The following RUFY2 variants were observed in gnomAD, a reference collection of about 807,000 sequenced individuals.
RUFY2 encodes RUN and FYVE domain containing 2.
In RUFY2, 49 loss-of-function variants were observed where a neutral mutation model predicts 94.4. The observed-to-expected ratio is 0.52, with a 90% CI of 0.41 to 0.66. The LOEUF is 0.66. Ranked by LOEUF, RUFY2 falls within the 30% of genes least tolerant of loss-of-function variation. RUFY2 has a pLI of 0.00. For synonymous variants in RUFY2, 255 were observed against 235.7 expected (o/e 1.08, Z -0.75); for missense variants, 541 against 692.8 (o/e 0.78, Z 2.46).
At chr10:68,349,726 G>C (rs1321456340) in intron 16 of RUFY2, among the ~76,000 whole-genome samples, 1 of 151,942 alleles carries the variant, frequency 6.6e-6, no homozygotes, top group East Asian at 1.9e-4. Context: ...TTTTAGTAGA[G>C]ACGGGGTTTC....
intron 13 of RUFY2, among the ~76,000 whole-genome samples, chr10:68,365,555 G>A (rs2047748015): frequency 6.6e-6 from 1 of 152,218 alleles, no homozygotes; most frequent in Admixed American, 6.5e-5. Context: ...GGCCACCAGA[G>A]AGCCTGAACT....
At chr10:68,351,292 C>T (rs568179518) in intron 16 of RUFY2, among the ~76,000 whole-genome samples, 5 of 151,692 alleles carry the variant, frequency 3.3e-5, no homozygotes, top group South Asian at 4.2e-4. Context: ...CCACCACGCC[C>T]GGCTAATTTT....
chr10:68,389,375 G>A (rs570833685), intron 7 of RUFY2, among the ~76,000 whole-genome samples: 8 of 150,318 alleles, frequency 5.3e-5, no homozygotes, highest in Non-Finnish European at 5.9e-5. Context: ...GGTGGATCAC[G>A]AAGTCAGGAG....
intron 15 of RUFY2, among the ~76,000 whole-genome samples, chr10:68,361,286 A>G (rs2132461031): frequency 6.6e-6 from 1 of 151,876 alleles, no homozygotes; most frequent in South Asian, 2.1e-4. Context: ...TCTCAAAGAG[A>G]AAAAAAAAGT....
chr10:68,378,545 T>C (rs1288101229), intron 12 of RUFY2: 1 of 1,563,594 alleles, frequency 6.4e-7, no homozygotes, highest in South Asian at 1.2e-5. Context: ...TTTAGTCTGT[T>C]TAAATACAAG....
In RUFY2 at chr10:68,378,091, C is replaced by T. The variant is rs1251851639; in HGVS notation, c.1206-1119G>A. 9.1e-6 allele frequency: 9 copies of T among 985,206 alleles called. No individual in the cohort carries two copies. The highest frequency in any genetic ancestry group is 1.1e-4 in the East Asian group (1 of 8,820). The allele number at this position is 985,206 out of a possible 1,614,324, so 61.0% of individuals were successfully genotyped here. A position where few individuals can be genotyped will look rare whatever the true frequency, so the allele number is the denominator to read the frequency against. The stretch of plus-strand genomic sequence containing the variant: ...ATCACAGAAGAGGGCAAGGGAGAAC[C>T]GGAAAACTGAGAAGCTGAAGCACAG... On this transcript the variant is annotated intron_variant, in intron 12 of 17. Coordinates refer to ENST00000602465, the MANE Select transcript of RUFY2 (RefSeq NM_001330103.2).
chr10:68,378,640 T>A (rs752773984), intron 12 of RUFY2: 14 of 1,612,868 alleles, frequency 8.7e-6, no homozygotes, highest in Admixed American at 3.3e-5. Flanking sequence ...ACATTGCAAT[T>A]GTCCTAGTTT....
chr10:68,352,148 A>C (rs1426022205), intron 16 of RUFY2, among the ~76,000 whole-genome samples: 1 of 152,094 alleles, frequency 6.6e-6, no homozygotes, highest in Admixed American at 6.6e-5. Context: ...TTTGGTAGAG[A>C]CAAGGGCTTG....
At chr10:68,361,052 C>G (rs1282210207) in intron 15 of RUFY2, among the ~76,000 whole-genome samples, 1 of 152,080 alleles carries the variant, frequency 6.6e-6, no homozygotes, top group Non-Finnish European at 1.5e-5. Flanking sequence ...GAGGCCAAGG[C>G]AGGCAGATCA....
intron 7 of RUFY2, 81 bp from the exon 8 acceptor site, chr10:68,386,209 C>G: frequency 8.8e-7 from 1 of 1,131,828 alleles, no homozygotes. Flanking sequence ...CCTAGATTTA[C>G]TATGTTTACT....
chr10:68,399,431 C>G, intron 3 of RUFY2, among the ~76,000 whole-genome samples: 1 of 152,148 alleles, frequency 6.6e-6, no homozygotes. Context: ...TTTTTCACAT[C>G]TATACAATTA....
chr10:68,377,722 C>T (rs898378222), intron 12 of RUFY2: 1 of 985,008 alleles, frequency 1.0e-6, no homozygotes, highest in Non-Finnish European at 1.2e-6. Context: ...CTTCTTTGGC[C>T]ATCTAGGATT....
rs1475782489 is a variant in RUFY2, at chr10:68,344,271, A to G, written c.*1497T>C. 1 of 152,210 alleles carries G rather than the reference A, an allele frequency of 6.6e-6. No individual in the cohort carries two copies. Among genetic ancestry groups the G allele is most frequent in the Non-Finnish European group, 1.5e-5 (1 of 68,038 alleles). The allele number at this position is 152,210 out of a possible 1,614,324, so 9.4% of individuals were successfully genotyped here. A position where few individuals can be genotyped will look rare whatever the true frequency, so the allele number is the denominator to read the frequency against. ...GGAAGCATATATTCATGAAGAAAAG[A>G]TCCTGCAGTATTAATAAGAACTCCT... On this transcript the variant is annotated 3_prime_UTR_variant, in exon 18 of 18. Coordinates refer to ENST00000602465, the MANE Select transcript of RUFY2 (RefSeq NM_001330103.2).
At chr10:68,374,620 A>G (rs1272144611) in intron 13 of RUFY2, among the ~76,000 whole-genome samples, 2 of 152,206 alleles carry the variant, frequency 1.3e-5, no homozygotes, top group African/African-American at 4.8e-5. Flanking sequence ...ACTAGACAGA[A>G]AATCACCAAG....
downstream of RUFY2, chr10:68,342,137 T>C: frequency 1.0e-6 from 1 of 958,346 alleles, no homozygotes; most frequent in Non-Finnish European, 1.5e-6. Flanking sequence ...TTTTGTATTT[T>C]AAGAACTTTA....
chr10:68,401,469 C>A, intron 3 of RUFY2, 151 bp downstream of exon 3: 1 of 582,702 alleles, frequency 1.7e-6, no homozygotes, highest in Non-Finnish European at 3.1e-6. Context: ...TTGAGTTGAG[C>A]CATAAAGAAT....
At chr10:68,372,784 C>T (rs1427037983) in intron 13 of RUFY2, among the ~76,000 whole-genome samples, 1 of 151,712 alleles carries the variant, frequency 6.6e-6, no homozygotes, top group Non-Finnish European at 1.5e-5. Flanking sequence ...TGACATGCAC[C>T]TGTAGTCTCA....
intron 15 of RUFY2, among the ~76,000 whole-genome samples, chr10:68,356,920 G>A (rs1301012099): frequency 6.6e-6 from 1 of 151,796 alleles, no homozygotes. Context: ...AGCACTTTGG[G>A]AGACAGAGGT....
rs753797160 is a variant in RUFY2 at position 68,345,760 on chromosome 10, C to CA, written c.*7_*8insT. ...TAATTTCATACATAAGGATTTAGTT[C>CA]TGGAGTCTCAGGGCAAGTTAGATGA... is the stretch of plus-strand genomic sequence containing the variant. On this transcript the variant is annotated 3_prime_UTR_variant, in exon 18 of 18. Coordinates refer to ENST00000602465, the MANE Select transcript of RUFY2 (RefSeq NM_001330103.2). 1 of 1,608,536 alleles carries CA rather than the reference C, an allele frequency of 6.2e-7. No individual in the cohort carries two copies. Among genetic ancestry groups the CA allele is most frequent in the Non-Finnish European group, 8.5e-7 (1 of 1,176,596 alleles).
Sources: allele counts gnomAD v4.1 joint callset (sites outside exome capture counted in the v4.1 genomes callset), GRCh38; gene constraint gnomAD v4.1.1; transcripts MANE v1.5; gene names NCBI Gene and HGNC (gene_info 2026-07-23, HGNC 2026-07-21).